RPGR: variants seen among roughly 807,000 people sequenced by gnomAD.
RPGR encodes the protein X-linked retinitis pigmentosa GTPase regulator.
RPGR carries 10 observed loss-of-function variants against 56.3 expected under a neutral mutation model. The observed-to-expected ratio is 0.18, with a 90% CI of 0.11 to 0.30. The LOEUF (loss-of-function observed/expected upper bound fraction) is 0.30, where lower values mean the gene tolerates loss of function less well. Among genes scored for constraint, RPGR ranks in the 10% least tolerant of loss-of-function variants. RPGR has a pLI of 1.00. For synonymous variants in RPGR, 197 were observed against 212.9 expected, an observed-to-expected ratio of 0.93 and a Z score of 0.65; for missense variants, 538 against 590.9, an observed-to-expected ratio of 0.91 and a Z score of 0.93.
At chrX:38,284,757 C>A in intron 15 of RPGR, 2 of 694,300 alleles carry the variant, frequency 2.9e-6, no homozygotes, top group Non-Finnish European at 3.4e-6. Context: ...GAAGGGACTG[C>A]AGTTATCACA....
chrX:38,271,947 C>A (rs2147158248), intron 18 of RPGR, among the ~76,000 whole-genome samples: 1 of 111,810 alleles, frequency 8.9e-6, no homozygotes, highest in African/African-American at 3.2e-5. Context: ...TTTAAAAGAC[C>A]AGATTGATTT....
intron 18 of RPGR, among the ~76,000 whole-genome samples, chrX:38,270,171 G>GT (rs1175334795): frequency 1.8e-5 from 2 of 111,122 alleles, no homozygotes; most frequent in Non-Finnish European, 3.8e-5. Flanking sequence ...GTTACCTATT[G>GT]TAACTTTTAA....
Position 38,310,859 on chromosome X carries a change from G to GATCACTT in RPGR, c.620-93_620-87dup, listed in dbSNP as rs1242551092. The GATCACTT allele has an allele frequency of 4.8e-6, 4 of 829,428 alleles. No individual in the cohort carries two copies. In the African/African-American group the frequency reaches 8.1e-5, roughly 17 times the overall value. 68.4% of individuals were successfully genotyped at this position (829,428 alleles called of 1,213,427 possible). On this transcript the variant is annotated intron_variant, in intron 6 of 18. Coordinates refer to ENST00000642395, the MANE Select transcript of RPGR (RefSeq NM_000328.3). Reference sequence around the variant, plus strand: ...ACCGTCAAAAAAAAGTTTTGACAAGGATCACTTAATACATTTGACCTTTCT... The same window carrying GATCACTT: ...ACCGTCAAAAAAAAGTTTTGACAAGGATCACTTATCACTTAATACATTTGACCTTTCT...
chrX:38,280,289 G>C (rs1045010988), intron 15 of RPGR, among the ~76,000 whole-genome samples: 3 of 111,748 alleles, frequency 2.7e-5, no homozygotes, highest in Non-Finnish European at 5.6e-5. Flanking sequence ...TCGAAAAACA[G>C]TAAGTTTGGA....
At chrX:38,312,970 G>T (rs1176992987) in intron 6 of RPGR, among the ~76,000 whole-genome samples, 1 of 110,060 alleles carries the variant, frequency 9.1e-6, no homozygotes, top group Non-Finnish European at 1.9e-5. Context: ...ACCAAATTTA[G>T]CATATCATTT....
At chrX:38,298,868 T>C in intron 10 of RPGR, 88 bp downstream of exon 10, 2 of 1,014,095 alleles carry the variant, frequency 2.0e-6, no homozygotes, top group Non-Finnish European at 2.8e-6. Context: ...AGAAGACCCT[T>C]TGATTTAAAA....
chrX:38,294,283 T>C (rs2067340523), intron 11 of RPGR, among the ~76,000 whole-genome samples: 1 of 111,840 alleles, frequency 8.9e-6, no homozygotes, highest in African/African-American at 3.3e-5. Context: ...CTTCCTTCTC[T>C]ACCCCTCAAA....
chrX:38,277,853 C>A (rs1229281182), intron 15 of RPGR, among the ~76,000 whole-genome samples: 2 of 111,708 alleles, frequency 1.8e-5, no homozygotes, highest in Non-Finnish European at 3.8e-5. Context: ...ATTTAACTCA[C>A]CTTTCTTCTG....
chrX:38,293,903 T>C (rs1183208829), intron 11 of RPGR, among the ~76,000 whole-genome samples: 1 of 111,703 alleles, frequency 9.0e-6, no homozygotes, highest in Non-Finnish European at 1.9e-5. Flanking sequence ...GCTCATTCAT[T>C]ACCATATAAA....
intron 12 of RPGR, 30 bp from the exon 13 acceptor site, chrX:38,291,054 AAAG>A: frequency 1.7e-6 from 1 of 588,490 alleles, no homozygotes; most frequent in Non-Finnish European, 2.4e-6. Context: ...TATATTATAA[AAAG>A]AATACAGTAT....
At chrX:38,314,668 G>A (rs1417749956) in intron 6 of RPGR, among the ~76,000 whole-genome samples, 1 of 111,942 alleles carries the variant, frequency 8.9e-6, no homozygotes, top group African/African-American at 3.2e-5. Flanking sequence ...TTATCTATAA[G>A]ATCTAAAAAT....
rs1491320736 is a variant in RPGR at position 38,291,124 on chromosome X, T to TA, written c.1507-101_1507-100insT. On this transcript the variant is annotated intron_variant, in intron 12 of 18. Coordinates refer to ENST00000642395, the MANE Select transcript of RPGR (RefSeq NM_000328.3). ...TATAGTATATTTTCAATTATATATA[T>TA]TTTTTTATATATATATATATATAAA... is the stretch of plus-strand genomic sequence containing the variant. 143 of 154,325 alleles carry TA rather than the reference T, an allele frequency of 9.3e-4. 2 individuals carry two copies. Among genetic ancestry groups the TA allele is most frequent in the South Asian group, 8.9e-3 (29 of 3,251 alleles). The allele number at this position is 154,325 out of a possible 1,213,427, so 12.7% of individuals were successfully genotyped here.
At chrX:38,286,053 T>TTTCCCCTCCCCTTCTCCTTCC (rs2067137383) in intron 15 of RPGR, 1 of 338,295 alleles carries the variant, frequency 3.0e-6, no homozygotes, top group South Asian at 4.2e-5. Context: ...CTTCCTCCTC[T>TTTCCCCTCCCCTTCTCCTTCC]TCCCCCTCCC....
In RPGR at chrX:38,317,468, A is replaced by G. The variant is rs767183219; in HGVS notation, c.470-3T>C. The G allele has an allele frequency of 6.6e-6, 8 of 1,203,583 alleles. No homozygotes were observed. The highest frequency in any genetic ancestry group is 9.0e-6 in the Non-Finnish European group (8 of 889,368). On this transcript the variant is annotated splice_polypyrimidine_tract_variant and splice_region_variant and intron_variant, in intron 5 of 18. Coordinates refer to ENST00000642395, the MANE Select transcript of RPGR (RefSeq NM_000328.3). ...CCACATAAAAAGTCTTCCATCCTCT[A>G]TAAAGAAAAATAAAAGGGGGAGAAA...
Position 38,287,957 on chromosome X carries a change from T to C in RPGR, c.1657A>G (p.Met553Val). 8.3e-7 allele frequency: 1 copy of C among 1,209,450 alleles called. No individual in the cohort carries two copies. The highest frequency in any genetic ancestry group is 1.1e-6 in the Non-Finnish European group (1 of 893,639). The change falls in exon 14 of 19, where the codon ATG becomes GTG. Residue 553 changes from methionine (M) to valine (V), a missense_variant. Around this residue, in one of 2 missense-constraint regions of RPGR, gnomAD observed 357 missense variants for 325.8 expected, o/e 1.10. Coordinates refer to ENST00000642395, the MANE Select transcript of RPGR (RefSeq NM_000328.3). Reference sequence around the variant, plus strand: ...TGTTTACATGCTTTCCCTTCTTTCATTTCTGACATTTCTTCATATTCATCA... The same window carrying C: ...TGTTTACATGCTTTCCCTTCTTTCACTTCTGACATTTCTTCATATTCATCA...
intron 7 of RPGR, among the ~76,000 whole-genome samples, chrX:38,309,146 A>G (rs2067660298): frequency 8.9e-6 from 1 of 112,248 alleles, no homozygotes; most frequent in Non-Finnish European, 1.9e-5. Context: ...TTTAGTAAAC[A>G]TATTAGCAAG....
chrX:38,319,059 G>T, intron 4 of RPGR, 72 bp from the exon 5 acceptor site: 1 of 1,059,439 alleles, frequency 9.4e-7, no homozygotes, highest in Non-Finnish European at 1.3e-6. Context: ...GTGTATAGCA[G>T]CGATTTCCTC....
chrX:38,307,049 A>G (rs1374615950), intron 7 of RPGR, among the ~76,000 whole-genome samples: 1 of 112,697 alleles, frequency 8.9e-6, no homozygotes, highest in Non-Finnish European at 1.9e-5. Context: ...CACAGAATAT[A>G]TTTGATTTCA....
rs2068068838 is a variant in RPGR, at chrX:38,327,325, G to A, written c.28+15C>T. The A allele has an allele frequency of 2.5e-6, 3 of 1,182,932 alleles. No homozygotes were observed. The highest frequency in any genetic ancestry group is 4.6e-5 in the Admixed American group (2 of 43,316). On this transcript the variant is annotated intron_variant, in intron 1 of 18. Coordinates refer to ENST00000642395, the MANE Select transcript of RPGR (RefSeq NM_000328.3). ...TCCCTCCCGGCCTTCCGCCACCGGC[G>A]CGGGCGCAACTCACCGGGCATCAGC...
Sources: allele counts gnomAD v4.1 joint callset (sites outside exome capture counted in the v4.1 genomes callset), GRCh38; gene constraint gnomAD v4.1.1; regional missense constraint gnomAD v4.1.1; transcripts MANE v1.5; gene names NCBI Gene and HGNC (gene_info 2026-07-23, HGNC 2026-07-21).